The following MYSM1 variants were observed in gnomAD, a reference collection of about 807,000 sequenced individuals.
MYSM1 encodes deubiquitinase MYSM1.
A neutral mutation model predicts 116.0 loss-of-function variants in MYSM1; 51 were observed. The ratio of observed to expected loss-of-function variants is 0.44; its 90% CI spans 0.35 to 0.56. The LOEUF is 0.56. MYSM1 is among the 20% of genes least tolerant of loss of function. The pLI is 0.00. For synonymous variants in MYSM1, 313 were observed against 315.2 expected (o/e 0.99, Z 0.07); for missense variants, 900 against 974.9 (o/e 0.92, Z 1.02).
At chr1:58,686,838 A>T (rs1644834344) in intron 6 of MYSM1, among the ~76,000 whole-genome samples, 2 of 152,066 alleles carry the variant, frequency 1.3e-5, no homozygotes, top group Non-Finnish European at 2.9e-5. Context: ...GAACACGAAC[A>T]AGAGGAGCAA....
chr1:58,670,980 G>A, intron 12 of MYSM1, among the ~76,000 whole-genome samples: 1 of 152,146 alleles, frequency 6.6e-6, no homozygotes, highest in East Asian at 1.9e-4. Flanking sequence ...CTAGCTTATG[G>A]AGGACTATTT....
At chr1:58,663,493 G>A (rs1470916173) in intron 17 of MYSM1, among the ~76,000 whole-genome samples, 1 of 152,268 alleles carries the variant, frequency 6.6e-6, no homozygotes, top group Non-Finnish European at 1.5e-5. Context: ...ATGGCTTCTA[G>A]AAAACCTTAA....
chr1:58,674,935 A>G (rs369898121), intron 10 of MYSM1, among the ~76,000 whole-genome samples: 2 of 135,636 alleles, frequency 1.5e-5, no homozygotes, highest in African/African-American at 7.5e-5. Context: ...TCAAAAAAAA[A>G]AAAAAAAGAA....
intron 5 of MYSM1, chr1:58,689,504 C>A (rs1227937487): frequency 6.4e-6 from 1 of 156,672 alleles, no homozygotes; most frequent in Non-Finnish European, 1.4e-5. Context: ...CAAATACTAT[C>A]TCTTTAGTTC....
In MYSM1 at chr1:58,661,207, A is replaced by T; in HGVS notation, c.2291T>A (p.Ile764Asn). The part of the protein sequence containing the change: ...LSHSSVPMDK[I>N]FRRDSDLTCL... ...AGTCAGGTCAGAATCCCGGCGAAAG[A>T]TTTTATCCATGGGGACGCTGCTGTA... The change falls in exon 19 of 20, where the codon ATC (isoleucine) becomes AAC (asparagine). Residue 764 changes from isoleucine to asparagine, a missense_variant. Physicochemically the swap from Ile to Asn is moderately radical, Grantham distance 149. Transcript: ENST00000472487. 6.2e-7 allele frequency: 1 copy of T among 1,613,350 alleles called. No homozygotes were observed. Among genetic ancestry groups the T allele is most frequent in the East Asian group, 2.2e-5 (1 of 44,850 alleles).
intron 8 of MYSM1, among the ~76,000 whole-genome samples, chr1:58,678,136 G>A (rs570280127): frequency 6.6e-6 from 1 of 152,256 alleles, no homozygotes; most frequent in South Asian, 2.1e-4. Flanking sequence ...AGAAGGTCAA[G>A]GGGATAGAGT....
At chr1:58,694,365 G>A (rs939442901) in intron 2 of MYSM1, among the ~76,000 whole-genome samples, 1 of 152,184 alleles carries the variant, frequency 6.6e-6, no homozygotes, top group Non-Finnish European at 1.5e-5. Flanking sequence ...GCTCACGCCT[G>A]TAATCCCACC....
chr1:58,670,638 C>G (rs1030896322), intron 12 of MYSM1, among the ~76,000 whole-genome samples: 3 of 152,140 alleles, frequency 2.0e-5, no homozygotes, highest in Admixed American at 2.0e-4. Flanking sequence ...AACAAGACAT[C>G]CGATATGATT....
intron 2 of MYSM1, 30 bp from the exon 3 acceptor site, chr1:58,692,961 T>C: frequency 6.6e-7 from 1 of 1,516,376 alleles, no homozygotes; most frequent in Non-Finnish European, 9.0e-7. Context: ...ATTTGTCTTT[T>C]TATTTATTGC....
At chr1:58,665,422 T>C in intron 17 of MYSM1, 77 bp downstream of exon 17, 1 of 1,149,310 alleles carries the variant, frequency 8.7e-7, no homozygotes, top group South Asian at 1.6e-5. Context: ...TTTTAAACAG[T>C]TGCAAATCTT....
Position 58,699,593 on chromosome 1 carries a change from C to T in MYSM1, c.68+392G>A, listed in dbSNP as rs187240254. On this transcript the variant is annotated intron_variant, in intron 1 of 19. Transcript: ENST00000472487. ...AAACGACTCGCCCAAGGTCACACGG[C>T]TAGCAAGCCATAGAACAAGAGTCCC... The T allele has an allele frequency of 8.2e-6, 8 of 979,876 alleles. No individual in the cohort carries two copies. The Admixed American group carries it at 4.9e-4, about 60-fold the overall frequency. 60.7% of individuals were successfully genotyped at this position (979,876 alleles called of 1,614,324 possible).
intron 10 of MYSM1, 53 bp from the exon 11 acceptor site, chr1:58,673,703 C>CAT (rs1210058710): frequency 7.1e-7 from 1 of 1,410,286 alleles, no homozygotes; most frequent in African/African-American, 1.4e-5. Flanking sequence ...ATGGAGAAAT[C>CAT]ATAGCACATT....
At position 58,676,374 on chromosome 1, in the gene MYSM1, C is replaced by T. The variant is rs934845088; in HGVS notation, c.1390+552G>A. 7.5e-5 allele frequency among the ~76,000 whole-genome samples: 11 copies of T among 146,538 alleles called. No individual in the cohort carries two copies. The East Asian group carries it at 1.8e-3, about 24-fold the overall frequency. On this transcript the variant is annotated intron_variant, in intron 9 of 19. Coordinates refer to ENST00000472487, the MANE Select transcript of MYSM1 (RefSeq NM_001085487.3). ...GAAGTTGCAGTGAGCAGAGATCACA[C>T]CACTGCACTTCAGCCTGGGCAACAG... is the stretch of plus-strand genomic sequence containing the variant.
At chr1:58,666,287 AC>A (rs1183926260) in intron 16 of MYSM1, among the ~76,000 whole-genome samples, 1 of 152,188 alleles carries the variant, frequency 6.6e-6, no homozygotes, top group Non-Finnish European at 1.5e-5. Context: ...CAAATACCCT[AC>A]AGCAAACCCA....
chr1:58,698,084 C>CTATATATATATATA lies in MYSM1; in HGVS notation c.68+1887_68+1900dup, dbSNP rs374389099. ...ACACCACTGGACACTATTTATCAGA[C>CTATATATATATATA]TATATATATATATATATATTTTTTT... On this transcript the variant is annotated intron_variant, in intron 1 of 19. Coordinates refer to ENST00000472487, the MANE Select transcript of MYSM1 (RefSeq NM_001085487.3). Among the ~76,000 whole-genome samples the CTATATATATATATA allele has an allele frequency of 1.3e-3, 40 of 31,344 alleles. 5 individuals carry two copies. The highest frequency in any genetic ancestry group is 2.6e-3 in the South Asian group (3 of 1,150). 20.6% of individuals were successfully genotyped at this position (31,344 alleles called of 152,430 possible). A position where few individuals can be genotyped will look rare whatever the true frequency, so the allele number is the denominator to read the frequency against.
chr1:58,682,214 C>T lies in MYSM1; in HGVS notation c.830G>A (p.Arg277Lys). ...TTGCTTTTCATTTTGAAGACAGCCC[C>T]TGGAAGACTTAGAAAAGAGAGCTTC... The part of the protein sequence containing the change: ...SQEALFSKSS[R>K]GCLQNEKQDE... Residue 277 changes from arginine (R) to lysine (K), a missense_variant, in exon 8 of 20, where the codon AGG (arginine) becomes AAG (lysine). This residue lies in a region of MYSM1 where 622 missense variants were observed against 623.7 expected (regional missense o/e 1.00). Transcript: ENST00000472487. 6.2e-7 allele frequency: 1 copy of T among 1,613,316 alleles called. No individual in the cohort carries two copies. Among genetic ancestry groups the T allele is most frequent in the Non-Finnish European group, 8.5e-7 (1 of 1,179,368 alleles).
chr1:58,685,325 T>TTA, intron 6 of MYSM1, 74 bp from the exon 7 acceptor site: 1 of 633,122 alleles, frequency 1.6e-6, no homozygotes, highest in South Asian at 2.8e-5. Context: ...ACTACCACAT[T>TTA]AAAAAAAAAA....
chr1:58,665,170 A>C (rs1183275056), intron 17 of MYSM1, among the ~76,000 whole-genome samples: 1 of 152,112 alleles, frequency 6.6e-6, no homozygotes, highest in Non-Finnish European at 1.5e-5. Flanking sequence ...GTCTGCATTT[A>C]TAAAAAAATT....
intron 17 of MYSM1, among the ~76,000 whole-genome samples, chr1:58,663,913 T>C (rs1435698658): frequency 6.6e-6 from 1 of 152,180 alleles, no homozygotes; most frequent in Non-Finnish European, 1.5e-5. Flanking sequence ...TAAGCTAGGG[T>C]AATGTGGGGC....
Sources: allele counts gnomAD v4.1 joint callset (sites outside exome capture counted in the v4.1 genomes callset), GRCh38; gene constraint gnomAD v4.1.1; regional missense constraint gnomAD v4.1.1; transcripts MANE v1.5; gene names NCBI Gene and HGNC (gene_info 2026-07-23, HGNC 2026-07-21).